Variants in TMEM9B observed in about 807,000 individuals in gnomAD.
TMEM9B encodes the protein transmembrane protein 9B.
In TMEM9B, 8 loss-of-function variants were observed where a neutral mutation model predicts 23.5. That is an observed-to-expected ratio of 0.34 (90% confidence interval 0.20 to 0.61). TMEM9B has a LOEUF of 0.61. TMEM9B is among the 20% of genes least tolerant of loss of function. The pLI is 0.78. For synonymous variants in TMEM9B, 106 were observed against 96.3 expected (o/e 1.10, Z -0.59); for missense variants, 197 against 252.3 (o/e 0.78, Z 1.49).
intron 2 of TMEM9B, among the ~76,000 whole-genome samples, chr11:8,959,276 G>C (rs529239029): frequency 6.6e-6 from 1 of 152,072 alleles, no homozygotes; most frequent in Non-Finnish European, 1.5e-5. Flanking sequence ...ACCCAGTGTC[G>C]ACAAAAATAA....
chr11:8,948,538 A>C, intron 4 of TMEM9B, 63 bp from the exon 5 acceptor site: 1 of 1,539,480 alleles, frequency 6.5e-7, no homozygotes, highest in Non-Finnish European at 8.8e-7. Context: ...TAGACACACA[A>C]CAGTGACCAG....
chr11:8,956,959 A>G (rs749665659), intron 2 of TMEM9B, among the ~76,000 whole-genome samples: 1 of 152,168 alleles, frequency 6.6e-6, no homozygotes, highest in African/African-American at 2.4e-5. Flanking sequence ...GCCTCAAGTG[A>G]TCCTCCTATC....
chr11:8,954,246 T>A (rs943177433), intron 3 of TMEM9B, among the ~76,000 whole-genome samples: 4 of 152,032 alleles, frequency 2.6e-5, no homozygotes, highest in African/African-American at 9.7e-5. Flanking sequence ...AAATGGGAAT[T>A]AACTGTAAAT....
intron 1 of TMEM9B, chr11:8,963,867 A>C (rs1388219387): frequency 3.5e-6 from 1 of 285,556 alleles, no homozygotes; most frequent in Non-Finnish European, 6.6e-6. Flanking sequence ...TGGAAAGTTA[A>C]AGGCTCTCGG....
At chr11:8,963,849 G>T in intron 1 of TMEM9B, 1 of 248,990 alleles carries the variant, frequency 4.0e-6, no homozygotes, top group South Asian at 5.5e-5. Flanking sequence ...GCTGTCAAGA[G>T]CTTAGGGTGG....
At position 8,964,369 on chromosome 11, in the gene TMEM9B, G is replaced by GGGCTCAGGCTCGGGCTCAGGCTCA. The variant is rs532299772; in HGVS notation, c.-57_-56insTGAGCCTGAGCCCGAGCCTGAGCC. The GGGCTCAGGCTCGGGCTCAGGCTCA allele has an allele frequency of 8.1e-5, 123 of 1,516,142 alleles. No individual in the cohort carries two copies. In the East Asian group the frequency reaches 1.7e-3, roughly 21 times the overall value. 93.9% of individuals were successfully genotyped at this position (1,516,142 alleles called of 1,614,324 possible). On this transcript the variant is annotated 5_prime_UTR_variant, in exon 1 of 5. Coordinates refer to ENST00000534025, the MANE Select transcript of TMEM9B (RefSeq NM_020644.3). ...AGCCCCCGCGACCGGCTCCCGGCTC[G>GGGCTCAGGCTCGGGCTCAGGCTCA]GGCTCAGGCTCAGGCTCAGGCTCAG...
At chr11:8,958,991 A>G (rs1286660086) in intron 2 of TMEM9B, among the ~76,000 whole-genome samples, 1 of 152,226 alleles carries the variant, frequency 6.6e-6, no homozygotes, top group Non-Finnish European at 1.5e-5. Flanking sequence ...AGTGTGTGAT[A>G]TCTGTTCCAA....
chr11:8,959,555 T>C (rs186659476), intron 2 of TMEM9B, among the ~76,000 whole-genome samples: 4 of 152,362 alleles, frequency 2.6e-5, no homozygotes, highest in African/African-American at 9.6e-5. Flanking sequence ...TAAGAATGAC[T>C]TGGGAATTTT....
At chr11:8,949,316 G>T (rs892980444) in intron 4 of TMEM9B, among the ~76,000 whole-genome samples, 1 of 152,190 alleles carries the variant, frequency 6.6e-6, no homozygotes, top group Non-Finnish European at 1.5e-5. Flanking sequence ...CATTACACAG[G>T]AAACCACCAT....
Position 8,964,231 on chromosome 11 carries a change from G to A in TMEM9B, c.83C>T (p.Ala28Val). ...SCLALSVLLL[A>V]QLSDAAKNFE... ...CACCTTGGCGGCGTCTGACAGCTGC[G>A]CCAGCAGCAGCACGGAAAGCGCCAG... Residue 28 changes from alanine to valine, a missense_variant, in exon 1 of 5, where the codon GCG (alanine) becomes GTG (valine). Physicochemically the swap from Ala to Val is moderately conservative, Grantham distance 64 (BLOSUM62 0). Coordinates refer to ENST00000534025, the MANE Select transcript of TMEM9B (RefSeq NM_020644.3). 4 of 1,588,614 alleles carry A rather than the reference G, an allele frequency of 2.5e-6. No individual in the cohort carries two copies. The highest frequency in any genetic ancestry group is 3.4e-6 in the Non-Finnish European group (4 of 1,168,578).
Position 8,953,215 on chromosome 11 carries a change from ATCAC to A in TMEM9B, c.425_428del (p.Ser142MetfsTer17). ...GCTGGGAACTTACCCCAATATCATCATCACTCTGTATCAACTGTGCATGTCCAAA... is the reference window on the plus strand; with the variant it reads ...GCTGGGAACTTACCCCAATATCATCATCTGTATCAACTGTGCATGTCCAAA... On this transcript the variant is annotated frameshift_variant, in exon 4 of 5. Transcript: ENST00000534025. LOFTEE classifies it high-confidence loss of function. 6.2e-7 allele frequency: 1 copy of A among 1,614,192 alleles called. No individual in the cohort carries two copies. The highest frequency in any genetic ancestry group is 8.5e-7 in the Non-Finnish European group (1 of 1,180,022).
At chr11:8,955,792 T>C (rs76781304) in intron 3 of TMEM9B, among the ~76,000 whole-genome samples, 1 of 152,182 alleles carries the variant, frequency 6.6e-6, no homozygotes, top group Non-Finnish European at 1.5e-5. Flanking sequence ...TGGGGACCAC[T>C]GTCCTACAGG....
intron 3 of TMEM9B, among the ~76,000 whole-genome samples, chr11:8,954,294 T>C (rs1273785123): frequency 7.5e-6 from 1 of 133,380 alleles, no homozygotes; most frequent in African/African-American, 2.7e-5. Context: ...GGGAATGTTC[T>C]GAAACTGGAT....
chr11:8,948,498 C>A, intron 4 of TMEM9B, 23 bp from the exon 5 acceptor site: 3 of 1,610,330 alleles, frequency 1.9e-6, no homozygotes, highest in Non-Finnish European at 1.7e-6. Context: ...GAATGGAGAA[C>A]ATTAGAGATG....
At chr11:8,963,690 G>A (rs1854121043) in intron 1 of TMEM9B, among the ~76,000 whole-genome samples, 2 of 152,186 alleles carry the variant, frequency 1.3e-5, no homozygotes, top group Non-Finnish European at 2.9e-5. Context: ...AGGCCAGGAG[G>A]GGCAAGTTCC....
Position 8,964,322 on chromosome 11 carries a change from G to T in TMEM9B, c.-9C>A. On this transcript the variant is annotated 5_prime_UTR_variant, in exon 1 of 5. Coordinates refer to ENST00000534025, the MANE Select transcript of TMEM9B (RefSeq NM_020644.3). ...CCCCACAGGGTCGCCATCGCTGGGG[G>T]CCCAGCGGTCCCACAGCCCGGAGCC... is the stretch of plus-strand genomic sequence containing the variant. The T allele has an allele frequency of 6.4e-7, 1 of 1,560,144 alleles. No individual in the cohort carries two copies. The highest frequency in any genetic ancestry group is 8.7e-7 in the Non-Finnish European group (1 of 1,153,370).
intron 4 of TMEM9B, among the ~76,000 whole-genome samples, chr11:8,951,907 A>G (rs1853883946): frequency 6.6e-6 from 1 of 152,108 alleles, no homozygotes; most frequent in Non-Finnish European, 1.5e-5. Flanking sequence ...GGAGTTCAAG[A>G]GCAGCCTGGC....
Position 8,948,180 on chromosome 11 carries a change from A to AG in TMEM9B, c.*139dup, listed in dbSNP as rs1853807114. 9.1e-7 allele frequency: 1 copy of AG among 1,102,716 alleles called. No individual in the cohort carries two copies. Among genetic ancestry groups the AG allele is most frequent in the Non-Finnish European group, 1.3e-6 (1 of 786,444 alleles). The allele number at this position is 1,102,716 out of a possible 1,614,324, so 68.3% of individuals were successfully genotyped here. A position where few individuals can be genotyped will look rare whatever the true frequency, so the allele number is the denominator to read the frequency against. ...GTTAACAAGAAAAAAAAATCAAGCAAGTTTTTGCTTCCAGTTTTGAATCTT... is the reference window on the plus strand; with the variant it reads ...GTTAACAAGAAAAAAAAATCAAGCAAGGTTTTTGCTTCCAGTTTTGAATCTT... On this transcript the variant is annotated 3_prime_UTR_variant, in exon 5 of 5. Coordinates refer to ENST00000534025, the MANE Select transcript of TMEM9B (RefSeq NM_020644.3).
chr11:8,954,949 G>A (rs779731434), intron 3 of TMEM9B, among the ~76,000 whole-genome samples: 4 of 152,048 alleles, frequency 2.6e-5, no homozygotes, highest in Non-Finnish European at 2.9e-5. Context: ...TCAGGAGTTC[G>A]AGACCAGCCT....
Sources: allele counts gnomAD v4.1 joint callset (sites outside exome capture counted in the v4.1 genomes callset), GRCh38; gene constraint gnomAD v4.1.1; transcripts MANE v1.5; gene names NCBI Gene and HGNC (gene_info 2026-07-23, HGNC 2026-07-21).